The following MOV10L1 variants were observed in gnomAD, a reference collection of about 807,000 sequenced individuals.
The protein encoded by MOV10L1 is RNA helicase Mov10l1.
Under a neutral mutation model 143.8 loss-of-function variants are expected in MOV10L1, and 110 were observed. The observed-to-expected ratio is 0.76, with a 90% CI of 0.66 to 0.90. The LOEUF (loss-of-function observed/expected upper bound fraction) is 0.90, where lower values mean the gene tolerates loss of function less well. Among genes scored for constraint, MOV10L1 ranks in the 40% least tolerant of loss-of-function variants. MOV10L1 has a pLI of 0.00. For synonymous variants in MOV10L1, 593 were observed against 581.1 expected (o/e 1.02, Z -0.29); for missense variants, 1,406 against 1,526.8 (o/e 0.92, Z 1.32).
rs372998585 is a variant in MOV10L1, at chr22:50,113,829, A to G, written c.884+41A>G. The G allele has an allele frequency of 1.4e-5, 21 of 1,521,904 alleles. No individual in the cohort carries two copies. In the African/African-American group the frequency reaches 2.0e-4, roughly 14 times the overall value. The allele number at this position is 1,521,904 out of a possible 1,614,324, so 94.3% of individuals were successfully genotyped here. On this transcript the variant is annotated intron_variant, in intron 6 of 26. Transcript: ENST00000262794. Reference sequence around the variant, plus strand: ...AAACATTTTCTATAAAGCTACATTAATGGCTTTTACACTATGACTCAATAA... The same window carrying G: ...AAACATTTTCTATAAAGCTACATTAGTGGCTTTTACACTATGACTCAATAA...
intron 16 of MOV10L1, 38 bp downstream of exon 16, chr22:50,142,227 G>T: frequency 6.5e-7 from 1 of 1,539,480 alleles, no homozygotes; most frequent in South Asian, 1.2e-5. Context: ...GAGCAACTCT[G>T]AGACTGTCGC....
intron 18 of MOV10L1, among the ~76,000 whole-genome samples, chr22:50,145,121 T>C (rs1475796387): frequency 1.3e-5 from 2 of 151,986 alleles, no homozygotes; most frequent in African/African-American, 4.8e-5. Context: ...TTTGTATTTT[T>C]AGTAGAGACA....
chr22:50,108,108 A>C (rs758270013), intron 3 of MOV10L1, 28 bp from the exon 4 acceptor site: 27 of 1,601,474 alleles, frequency 1.7e-5, no homozygotes, highest in Non-Finnish European at 2.0e-5. Context: ...CTTTAACACT[A>C]CCATGGCTTT....
intron 9 of MOV10L1, among the ~76,000 whole-genome samples, chr22:50,119,484 A>T (rs1461206567): frequency 6.6e-6 from 1 of 151,994 alleles, no homozygotes; most frequent in Admixed American, 6.6e-5. Context: ...GTAGGCCAGC[A>T]CACTCCCAGC....
chr22:50,114,492 A>G lies in MOV10L1; in HGVS notation c.996A>G (p.Val332=). 1.2e-6 allele frequency: 2 copies of G among 1,614,234 alleles called. No homozygotes were observed. The highest frequency in any genetic ancestry group is 1.3e-5 in the African/African-American group (1 of 75,056). The stretch of plus-strand genomic sequence containing the variant: ...ATAAAGACCAGATGTGCCCCGTGGT[A>G]TCTTTTGTTTCTGTTCCTGAGAAGG... ...MLDKDQMCPV[V]SFVSVPEKEN... The change falls in exon 7 of 27, where the codon GTA becomes GTG. Residue 332 remains valine (V), a synonymous_variant. Transcript: ENST00000262794.
intron 7 of MOV10L1, 115 bp from the exon 8 acceptor site, chr22:50,114,999 T>TG: frequency 8.4e-7 from 1 of 1,187,138 alleles, no homozygotes; most frequent in East Asian, 2.4e-5. Flanking sequence ...CCCGTGTTTT[T>TG]GTGTGCATCT....
At chr22:50,144,701 C>T (rs922525983) in intron 18 of MOV10L1, among the ~76,000 whole-genome samples, 3 of 151,816 alleles carry the variant, frequency 2.0e-5, no homozygotes, top group African/African-American at 7.3e-5. Context: ...CTGGCCTCAG[C>T]CTCCCAAGTA....
intron 15 of MOV10L1, among the ~76,000 whole-genome samples, chr22:50,140,787 A>G (rs554772696): frequency 1.3e-5 from 2 of 151,970 alleles, no homozygotes; most frequent in African/African-American, 2.4e-5. Flanking sequence ...TAGTGTCGCA[A>G]TCATGGCTCA....
chr22:50,137,162 G>A (rs893841935), intron 15 of MOV10L1, among the ~76,000 whole-genome samples: 4 of 152,110 alleles, frequency 2.6e-5, no homozygotes, highest in East Asian at 1.9e-4. Flanking sequence ...AGTGAAAAAC[G>A]TAACCCAAAA....
chr22:50,128,504 A>G lies in MOV10L1; in HGVS notation c.1907A>G (p.Asn636Ser). 7.0e-7 allele frequency: 1 copy of G among 1,433,456 alleles called. No homozygotes were observed. Among genetic ancestry groups the G allele is most frequent in the African/African-American group, 1.4e-5 (1 of 69,366 alleles). The allele number at this position is 1,433,456 out of a possible 1,614,324, so 88.8% of individuals were successfully genotyped here. A position where few individuals can be genotyped will look rare whatever the true frequency, so the allele number is the denominator to read the frequency against. The change falls in exon 13 of 27, where the codon AAT (asparagine) becomes AGT (serine). Residue 636 changes from asparagine (N) to serine (S), a missense_variant. By Grantham distance (46) the Asn-to-Ser change is conservative. This residue lies in a region of MOV10L1 where 1,233 missense variants were observed against 1,351.4 expected (regional missense o/e 0.91). Transcript: ENST00000262794. ...FEPMDVEFTY[N>S]RTTSRRCHFA... is the part of the protein sequence containing the mutation. ...CCTATGGATGTGGAATTTACATATA[A>G]TAGGTAATGCTTTTAGTGAGTCTTC...
At chr22:50,142,992 C>A in intron 16 of MOV10L1, 51 bp from the exon 17 acceptor site, 3 of 1,567,310 alleles carry the variant, frequency 1.9e-6, no homozygotes, top group Non-Finnish European at 2.6e-6. Flanking sequence ...GTGTCCACAG[C>A]TGTTGAGAGC....
chr22:50,149,606 T>C lies in MOV10L1; in HGVS notation c.2628-9T>C. ...GCAGAAATTACCATTTAGAACATCT[T>C]TGCTCTAGAGTTGGGCACTTCACTC... On this transcript the variant is annotated splice_polypyrimidine_tract_variant and intron_variant, in intron 19 of 26. Transcript: ENST00000262794. 6.2e-7 allele frequency: 1 copy of C among 1,613,420 alleles called. No homozygotes were observed. The highest frequency in any genetic ancestry group is 8.5e-7 in the Non-Finnish European group (1 of 1,179,422).
At chr22:50,123,551 A>G (rs2062412566) in intron 10 of MOV10L1, among the ~76,000 whole-genome samples, 2 of 152,140 alleles carry the variant, frequency 1.3e-5, no homozygotes, top group Non-Finnish European at 2.9e-5. Context: ...TATGCTGCTG[A>G]ATTTTGTGTG....
Position 50,152,093 on chromosome 22 carries a change from C to G in MOV10L1, c.2893-952C>G, listed in dbSNP as rs889685403. 3.3e-5 allele frequency among the ~76,000 whole-genome samples: 5 copies of G among 152,218 alleles called. No individual in the cohort carries two copies. The highest frequency in any genetic ancestry group is 1.2e-4 in the African/African-American group (5 of 41,460). ...GGCTTGACAGAGTCGGGAGGACTCACGGGGCCAATCATGGCGTTCTCGTGC... is the reference window on the plus strand; with the variant it reads ...GGCTTGACAGAGTCGGGAGGACTCAGGGGGCCAATCATGGCGTTCTCGTGC... On this transcript the variant is annotated intron_variant, in intron 21 of 26. Transcript: ENST00000262794. This position sits in a 1 kb window ranked among gnomAD's most constrained non-coding sequence, Gnocchi z 4.4.
At chr22:50,108,980 A>C (rs968380806) in intron 5 of MOV10L1, 136 bp downstream of exon 5, 1 of 768,496 alleles carries the variant, frequency 1.3e-6, no homozygotes, top group African/African-American at 1.8e-5. Flanking sequence ...CTCTGTCTCT[A>C]CTAAAAGTAC....
chr22:50,114,004 C>T (rs549927102), intron 6 of MOV10L1, among the ~76,000 whole-genome samples: 19 of 150,850 alleles, frequency 1.3e-4, no homozygotes, highest in African/African-American at 2.9e-4. Context: ...CTGCAAGCTC[C>T]GCCTCCCGGG....
chr22:50,117,976 G>A (rs187073527), intron 9 of MOV10L1, among the ~76,000 whole-genome samples: 14 of 152,224 alleles, frequency 9.2e-5, no homozygotes, highest in African/African-American at 2.4e-4. Flanking sequence ...ACTTAGTCCC[G>A]TGTGATGTGA....
intron 10 of MOV10L1, among the ~76,000 whole-genome samples, chr22:50,122,170 C>A (rs933507664): frequency 6.6e-6 from 1 of 152,160 alleles, no homozygotes; most frequent in Non-Finnish European, 1.5e-5. Flanking sequence ...AATATTGAAT[C>A]CTCCAGGCTA....
intron 3 of MOV10L1, among the ~76,000 whole-genome samples, chr22:50,101,712 A>G (rs2061749514): frequency 6.6e-6 from 1 of 151,768 alleles, no homozygotes; most frequent in African/African-American, 2.4e-5. Flanking sequence ...GGGTTTCGCC[A>G]TGTTGGTCAG....
Sources: gnomAD v4.1 joint callset for allele counts (sites outside exome capture counted in the v4.1 genomes callset) on GRCh38, gnomAD v4.1.1 for gene constraint, gnomAD v4.1.1 regional missense constraint, Gnocchi (gnomAD v3.1) non-coding constraint, MANE v1.5 for transcripts, NCBI Gene and HGNC (gene_info 2026-07-23, HGNC 2026-07-21) for gene names.